The following RP1 variants were observed in gnomAD, a reference collection of about 807,000 sequenced individuals.
The protein encoded by RP1 is oxygen-regulated protein 1.
A neutral mutation model predicts 14.8 loss-of-function variants in RP1; 16 were observed. The observed-to-expected ratio is 1.08, with a 90% CI of 0.73 to 1.65. RP1 has a LOEUF of 1.65. Ranked by LOEUF, RP1 falls within the 40% of genes most tolerant of loss-of-function variation. The pLI is 0.00. For missense variants in RP1, 2,631 were observed against 2,535.0 expected (o/e 1.04, Z -0.81); for synonymous variants, 876 against 883.6 (o/e 0.99, Z 0.15).
intron 1 of RP1, among the ~76,000 whole-genome samples, chr8:54,583,168 C>G (rs192367667): frequency 6.6e-6 from 1 of 152,104 alleles, no homozygotes; most frequent in African/African-American, 2.4e-5. Context: ...TTTTGAGATA[C>G]GTCCTATCAA....
downstream of RP1, among the ~76,000 whole-genome samples, chr8:54,771,459 A>C (rs1428737538): frequency 6.6e-6 from 1 of 152,082 alleles, no homozygotes; most frequent in Non-Finnish European, 1.5e-5. Flanking sequence ...CAGTGATGTC[A>C]AACATGAAGT....
At chr8:54,769,754 A>G (rs1809856625) in exon 23 of RP1, 1 of 1,530,844 alleles carries the variant, frequency 6.5e-7, no homozygotes, top group African/African-American at 1.4e-5. Context: ...GCTTCCTTTC[A>G]TGTCTCAGGG....
intron 25 of RP1, among the ~76,000 whole-genome samples, chr8:54,846,945 T>C (rs111937828): frequency 0.013 from 1,956 of 152,316 alleles, 50 homozygotes; most frequent in African/African-American, 0.044. Context: ...TTTGGGACTG[T>C]CACACTGATC....
intron 25 of RP1, among the ~76,000 whole-genome samples, chr8:54,839,589 G>A (rs1246973996): frequency 6.6e-6 from 1 of 152,130 alleles, no homozygotes; most frequent in Non-Finnish European, 1.5e-5. Context: ...CAGCATTTCA[G>A]TGATTCTTTG....
Position 54,626,668 on chromosome 8 carries a change from T to C in RP1, c.2786T>C (p.Leu929Ser). ...CAGAACATAAATCCATATCCAACTT[T>C]AAAGCCTATAAAATCAGCTCCAGTA... ...WLQNINPYPTLKPIKSAPVCR... is the reference protein window; with the variant it reads ...WLQNINPYPTSKPIKSAPVCR... Residue 929 changes from leucine to serine, a missense_variant, in exon 4 of 4, where the codon TTA becomes TCA. Physicochemically the swap from Leu to Ser is moderately radical, Grantham distance 145. Coordinates refer to ENST00000220676, the MANE Select transcript of RP1 (RefSeq NM_006269.2). 1 of 1,613,944 alleles carries C rather than the reference T, an allele frequency of 6.2e-7. No homozygotes were observed. Among genetic ancestry groups the C allele is most frequent in the Non-Finnish European group, 8.5e-7 (1 of 1,179,906 alleles).
At position 54,795,205 on chromosome 8, in the gene RP1, G is replaced by A. The variant is rs144865585; in HGVS notation, c.3615+11495G>A. Among the ~76,000 whole-genome samples the A allele has an allele frequency of 5.3e-3, 802 of 152,130 alleles. 7 individuals are homozygous for A. Among genetic ancestry groups the A allele is most frequent in the African/African-American group, 0.018 (761 of 41,564 alleles). On this transcript the variant is annotated intron_variant, in intron 24 of 28. Transcript: ENST00000637698. ...AGAGGCCTATAAAATTAAAAATAGAGCTACCATATGATCTGCTTCTGTGTA... is the reference window on the plus strand; with the variant it reads ...AGAGGCCTATAAAATTAAAAATAGAACTACCATATGATCTGCTTCTGTGTA...
chr8:54,634,506 G>T (rs538739181), downstream of RP1, among the ~76,000 whole-genome samples: 7 of 152,140 alleles, frequency 4.6e-5, no homozygotes, highest in South Asian at 1.5e-3. Context: ...CCCCAAGAGG[G>T]CTTGATAAGG....
rs944422093 is a variant in RP1 at position 54,753,213 on chromosome 8, C to T, written c.2809-1590C>T. Among the ~76,000 whole-genome samples, 8 of 152,302 alleles carry T rather than the reference C, an allele frequency of 5.3e-5. No homozygotes were observed. In the Middle Eastern group the frequency reaches 0.01, roughly 194 times the overall value. ...GGAGCAAGTAAAGATACAGTCGTCA[C>T]TCATTAATGGTCAGGCGTGCTGAGT... On this transcript the variant is annotated intron_variant, in intron 19 of 22. Coordinates refer to the RP1 transcript ENST00000636932.
rs192620220 is a variant in RP1, at chr8:54,766,963, C to T, written c.3249-2778C>T. 4.6e-5 allele frequency among the ~76,000 whole-genome samples: 7 copies of T among 152,264 alleles called. No homozygotes were observed. In the East Asian group the frequency reaches 1.2e-3, roughly 25 times the overall value. ...TCTCAAGCCACACTGCTCCAATTCT[C>T]CCATCTGTTCATTGGCTTTGGGGGA... On this transcript the variant is annotated intron_variant, in intron 22 of 22. Transcript: ENST00000636932.
At chr8:54,780,822 A>G (rs1017237557) in intron 23 of RP1, 3 of 549,058 alleles carry the variant, frequency 5.5e-6, no homozygotes, top group African/African-American at 2.1e-5. Context: ...CTCCACAGAT[A>G]CTGAGGAACA....
chr8:54,678,709 T>C (rs943584963), intron 9 of RP1, among the ~76,000 whole-genome samples: 1 of 152,182 alleles, frequency 6.6e-6, no homozygotes, highest in African/African-American at 2.4e-5. Context: ...ACATTTATTA[T>C]GTTTATCATC....
At chr8:54,661,288 T>TC (rs1220795916) in intron 6 of RP1, among the ~76,000 whole-genome samples, 14 of 132,852 alleles carry the variant, frequency 1.1e-4, no homozygotes, top group Admixed American at 4.8e-4. Flanking sequence ...ATATGATATA[T>TC]AAATGATATA....
At chr8:54,663,729 G>C in exon 7 of RP1, 1 of 1,531,460 alleles carries the variant, frequency 6.5e-7, no homozygotes, top group Non-Finnish European at 8.7e-7. Flanking sequence ...GTGGCAACGG[G>C]TGAGCTATGG....
Position 54,692,446 on chromosome 8 carries a change from A to G in RP1, c.1718-7021A>G, listed in dbSNP as rs13258039. The stretch of plus-strand genomic sequence containing the variant: ...ACAGTCCCAGTAACAGTGTAAAACT[A>G]TTCCTATTTCTCCACATCCTCTCCA... On this transcript the variant is annotated intron_variant, in intron 12 of 22. Transcript: ENST00000636932. Among the ~76,000 whole-genome samples, 10 of 42,156 alleles carry G rather than the reference A, an allele frequency of 2.4e-4. 4 individuals carry two copies. Among genetic ancestry groups the G allele is most frequent in the African/African-American group, 1.7e-3 (5 of 3,004 alleles). 27.7% of individuals were successfully genotyped at this position (42,156 alleles called of 152,430 possible).
chr8:54,607,742 G>T (rs2091939), intron 1 of RP1, among the ~76,000 whole-genome samples: 5,778 of 152,138 alleles, frequency 0.038, 169 homozygotes, highest in Non-Finnish European at 0.062. Context: ...CCTCGGCAAC[G>T]GCACGGACCC....
chr8:54,620,820 T>C (rs765279720), intron 1 of RP1, 135 bp from the exon 2 acceptor site: 4 of 866,734 alleles, frequency 4.6e-6, no homozygotes, highest in East Asian at 2.4e-5. Context: ...ATAGGTATAA[T>C]GAATGAATAA....
chr8:54,722,808 C>T (rs1286987112), intron 16 of RP1, among the ~76,000 whole-genome samples: 3 of 152,116 alleles, frequency 2.0e-5, no homozygotes, highest in African/African-American at 4.8e-5. Flanking sequence ...TCTAAGTTTA[C>T]ATCTCAAGAG....
At chr8:54,725,966 A>G (rs1352926379) in intron 16 of RP1, among the ~76,000 whole-genome samples, 1 of 152,218 alleles carries the variant, frequency 6.6e-6, no homozygotes, top group African/African-American at 2.4e-5. Flanking sequence ...GTAAGGTCAC[A>G]TGAAATCCTG....
At chr8:54,708,910 G>A (rs773399307) in intron 15 of RP1, among the ~76,000 whole-genome samples, 10 of 152,160 alleles carry the variant, frequency 6.6e-5, no homozygotes, top group Non-Finnish European at 1.2e-4. Context: ...TCAATTGAAA[G>A]AATCTGGTGA....
Sources: allele counts gnomAD v4.1 joint callset (sites outside exome capture counted in the v4.1 genomes callset), GRCh38; gene constraint gnomAD v4.1.1; transcripts MANE v1.5; gene names NCBI Gene and HGNC (gene_info 2026-07-23, HGNC 2026-07-21).